Variants in SHC4 observed in about 807,000 individuals in gnomAD.
The protein encoded by SHC4 is SHC-transforming protein 4.
A neutral mutation model predicts 69.4 loss-of-function variants in SHC4; 41 were observed. The observed-to-expected ratio is 0.59, with a 90% confidence interval of 0.46 to 0.77. The LOEUF is 0.77. SHC4 is among the 30% of genes least tolerant of loss of function. The probability of loss-of-function intolerance (pLI) is 0.00; values close to 1 mark genes in which losing one functional copy is unlikely to be tolerated. For synonymous variants in SHC4, 318 were observed against 299.3 expected (o/e 1.06, Z -0.64); for missense variants, 777 against 783.8 (o/e 0.99, Z 0.10).
intron 11 of SHC4, among the ~76,000 whole-genome samples, chr15:48,833,304 A>T (rs1898838576): frequency 6.6e-6 from 1 of 152,064 alleles, no homozygotes; most frequent in East Asian, 1.9e-4. Flanking sequence ...TTTTTCAGGA[A>T]CTTGTAATCT....
intron 4 of SHC4, among the ~76,000 whole-genome samples, chr15:48,875,793 G>T (rs1478569606): frequency 6.6e-6 from 1 of 152,228 alleles, no homozygotes; most frequent in Non-Finnish European, 1.5e-5. Flanking sequence ...TCAGGTCAAA[G>T]AGGTCGCTTC....
intron 2 of SHC4, among the ~76,000 whole-genome samples, chr15:48,904,777 T>C (rs1900378177): frequency 6.6e-6 from 1 of 151,756 alleles, no homozygotes; most frequent in Admixed American, 6.6e-5. Flanking sequence ...TCCTAGCTCC[T>C]TGGGAGGCTG....
At chr15:48,902,420 T>C (rs554360825) in intron 2 of SHC4, among the ~76,000 whole-genome samples, 1 of 152,294 alleles carries the variant, frequency 6.6e-6, no homozygotes, top group African/African-American at 2.4e-5. Context: ...CCTAGTAGGC[T>C]GCCTTGGAAA....
intron 9 of SHC4, among the ~76,000 whole-genome samples, chr15:48,849,518 C>G (rs1595731183): frequency 6.6e-6 from 1 of 152,218 alleles, no homozygotes; most frequent in Admixed American, 6.5e-5. Flanking sequence ...TAGCACCCAG[C>G]ACAGTGCCTG....
chr15:48,914,307 G>A (rs966285533), intron 2 of SHC4, among the ~76,000 whole-genome samples: 1 of 152,212 alleles, frequency 6.6e-6, no homozygotes, highest in Non-Finnish European at 1.5e-5. Flanking sequence ...TGGAGTGTGA[G>A]TACATGGGTT....
At chr15:48,942,494 C>G (rs1901193577) in intron 1 of SHC4, among the ~76,000 whole-genome samples, 1 of 151,166 alleles carries the variant, frequency 6.6e-6, no homozygotes, top group African/African-American at 2.4e-5. Context: ...AAAAAAAAAA[C>G]TCAGCATTTT....
chr15:48,908,636 T>G (rs1391858022), intron 2 of SHC4, among the ~76,000 whole-genome samples: 1 of 152,144 alleles, frequency 6.6e-6, no homozygotes, highest in East Asian at 1.9e-4. Flanking sequence ...AAGCCAAAGT[T>G]TAGAAGAGTT....
At chr15:48,886,340 G>T (rs146002200) in intron 3 of SHC4, among the ~76,000 whole-genome samples, 5 of 152,208 alleles carry the variant, frequency 3.3e-5, no homozygotes, top group African/African-American at 7.2e-5. Context: ...TATCTGTAAA[G>T]AACTTTTACG....
intron 10 of SHC4, among the ~76,000 whole-genome samples, chr15:48,837,573 A>T (rs901167040): frequency 3.3e-5 from 5 of 152,132 alleles, no homozygotes; most frequent in African/African-American, 1.2e-4. Flanking sequence ...ATTTATGTGT[A>T]ATATTTAATA....
At chr15:48,853,996 T>C (rs1407888265) in intron 8 of SHC4, among the ~76,000 whole-genome samples, 1 of 152,026 alleles carries the variant, frequency 6.6e-6, no homozygotes, top group Non-Finnish European at 1.5e-5. Context: ...ATAAAGAGCT[T>C]CTAAGCACAG....
At chr15:48,893,623 C>G (rs924333189) in intron 2 of SHC4, among the ~76,000 whole-genome samples, 2 of 152,100 alleles carry the variant, frequency 1.3e-5, no homozygotes, top group Admixed American at 1.3e-4. Flanking sequence ...TATTCACATT[C>G]ATTATAATTT....
chr15:48,910,154 G>A (rs1021078753), intron 2 of SHC4, among the ~76,000 whole-genome samples: 1 of 151,876 alleles, frequency 6.6e-6, no homozygotes, highest in African/African-American at 2.4e-5. Context: ...TCAAATGTCT[G>A]GTAGAATTCT....
intron 2 of SHC4, among the ~76,000 whole-genome samples, chr15:48,919,887 A>G (rs529153941): frequency 3.3e-5 from 5 of 152,026 alleles, no homozygotes; most frequent in Non-Finnish European, 7.4e-5. Flanking sequence ...ACCATACCAG[A>G]TATCTTCCCC....
rs191955835 is a variant in SHC4 at position 48,838,588 on chromosome 15, G to A, written c.1484-3566C>T. ...GAGAGAGAGGTTCAGATAGTACCCA[G>A]AGAAAAATTATTTGCAATGTAAAGG... On this transcript the variant is annotated intron_variant, in intron 10 of 11. Coordinates refer to ENST00000332408, the MANE Select transcript of SHC4 (RefSeq NM_203349.4). Among the ~76,000 whole-genome samples the A allele has an allele frequency of 1.4e-3, 220 of 152,278 alleles. 1 individual carries two copies. Among genetic ancestry groups the A allele is most frequent in the African/African-American group, 5.1e-3 (213 of 41,564 alleles).
At chr15:48,935,348 C>T (rs1299519189) in intron 1 of SHC4, among the ~76,000 whole-genome samples, 2 of 152,150 alleles carry the variant, frequency 1.3e-5, no homozygotes, top group African/African-American at 2.4e-5. Context: ...TGTGGTGCTG[C>T]AATTTATCTG....
At chr15:48,884,934 T>C (rs1316417372) in intron 3 of SHC4, among the ~76,000 whole-genome samples, 2 of 152,248 alleles carry the variant, frequency 1.3e-5, no homozygotes, top group African/African-American at 2.4e-5. Flanking sequence ...AAACCATTGT[T>C]TTCAGAAGGT....
chr15:48,848,997 T>A (rs1469870854), intron 9 of SHC4, among the ~76,000 whole-genome samples: 1 of 152,100 alleles, frequency 6.6e-6, no homozygotes, highest in African/African-American at 2.4e-5. Context: ...GCTGGGTTAT[T>A]AAGGACAGGA....
At chr15:48,878,162 T>A in intron 4 of SHC4, 1 of 1,530,312 alleles carries the variant, frequency 6.5e-7, no homozygotes. Flanking sequence ...TCCTAGAGGT[T>A]GAGCGGTTTG....
intron 4 of SHC4, among the ~76,000 whole-genome samples, chr15:48,875,394 C>G (rs1242128328): frequency 6.6e-6 from 1 of 152,216 alleles, no homozygotes; most frequent in East Asian, 1.9e-4. Flanking sequence ...ATTGCTAAAG[C>G]TAAGAAGTCC....
Sources: allele counts gnomAD v4.1 joint callset (sites outside exome capture counted in the v4.1 genomes callset), GRCh38; gene constraint gnomAD v4.1.1; transcripts MANE v1.5; gene names NCBI Gene and HGNC (gene_info 2026-07-23, HGNC 2026-07-21).